The following DCC variants were observed in gnomAD, a reference collection of about 807,000 sequenced individuals.
DCC encodes netrin receptor DCC.
A neutral mutation model predicts 172.5 loss-of-function variants in DCC; 58 were observed. That is an observed-to-expected ratio of 0.34 (90% CI 0.27 to 0.42). The LOEUF is 0.42. Among genes scored for constraint, DCC ranks in the 10% least tolerant of loss-of-function variants. The probability of loss-of-function intolerance (pLI) is 1.00; values close to 1 mark genes in which losing one functional copy is unlikely to be tolerated. For synonymous variants in DCC, 709 were observed against 644.5 expected, an observed-to-expected ratio of 1.10 and a Z score of -1.52; for missense variants, 1,740 against 1,791.0, an observed-to-expected ratio of 0.97 and a Z score of 0.51.
At chr18:53,521,663 G>A (rs2046400265) in intron 27 of DCC, among the ~76,000 whole-genome samples, 1 of 152,086 alleles carries the variant, frequency 6.6e-6, no homozygotes, top group African/African-American at 2.4e-5. Flanking sequence ...TTTTATTGTA[G>A]ATACCTATGT....
intron 2 of DCC, among the ~76,000 whole-genome samples, chr18:52,828,905 A>T (rs2038561870): frequency 6.6e-6 from 1 of 152,210 alleles, no homozygotes; most frequent in South Asian, 2.1e-4. Context: ...CTTTTATTCC[A>T]ATTTAATCAT....
chr18:53,487,851 A>G (rs1437081992), intron 26 of DCC, among the ~76,000 whole-genome samples: 3 of 152,140 alleles, frequency 2.0e-5, no homozygotes, highest in Non-Finnish European at 4.4e-5. Context: ...AAACTCGAGG[A>G]AAAATAGTTG....
chr18:53,121,484 A>C (rs1249431471), intron 7 of DCC, among the ~76,000 whole-genome samples: 1 of 151,860 alleles, frequency 6.6e-6, no homozygotes, highest in Admixed American at 6.6e-5. Flanking sequence ...CCTCTATCTC[A>C]GATATATTAC....
In DCC at chr18:52,752,242, A is replaced by G; in HGVS notation, c.280A>G (p.Asn94Asp). The G allele has an allele frequency of 6.2e-7, 1 of 1,614,150 alleles. No homozygotes were observed. The highest frequency in any genetic ancestry group is 1.1e-5 in the South Asian group (1 of 91,080). The change falls in exon 2 of 29, where the codon AAT becomes GAT. Residue 94 changes from asparagine to aspartate, a missense_variant. Physicochemically the swap from Asn to Asp is conservative, Grantham distance 23. Around this residue, in one of 2 missense-constraint regions of DCC, gnomAD observed 1,732 missense variants for 1,767.4 expected, o/e 0.98. Coordinates refer to ENST00000442544, the MANE Select transcript of DCC (RefSeq NM_005215.4). The stretch of plus-strand genomic sequence containing the variant: ...GGATGAAAGGAAGCAGCAACTTTCA[A>G]ATGGGTCTCTGCTGATACAAAACAT... The part of the protein sequence containing the change: ...GMDERKQQLS[N>D]GSLLIQNILH...
chr18:52,753,907 T>A (rs191378433), intron 2 of DCC, among the ~76,000 whole-genome samples: 20 of 152,320 alleles, frequency 1.3e-4, no homozygotes, highest in Non-Finnish European at 2.4e-4. Flanking sequence ...TCTTTTTTTT[T>A]AACTTTTATA....
intron 1 of DCC, among the ~76,000 whole-genome samples, chr18:52,588,064 G>A (rs1318094416): frequency 1.3e-5 from 2 of 152,186 alleles, no homozygotes; most frequent in African/African-American, 4.8e-5. Flanking sequence ...AGGCAGTTCA[G>A]GTTGCATGGT....
intron 7 of DCC, among the ~76,000 whole-genome samples, chr18:53,102,554 G>A (rs2043189108): frequency 6.6e-6 from 1 of 152,026 alleles, no homozygotes; most frequent in African/African-American, 2.4e-5. Context: ...ATTGATGTGG[G>A]TGAGTGAGCA....
chr18:53,365,983 A>C lies in DCC; in HGVS notation c.2360-20060A>C, dbSNP rs138543296. On this transcript the variant is annotated intron_variant, in intron 15 of 28. Coordinates refer to ENST00000442544, the MANE Select transcript of DCC (RefSeq NM_005215.4). Reference sequence around the variant, plus strand: ...TTCTTGCAGGAGATTCACTTACAACAAAAACTTCAAGTAGATTTGGGTTGA... The same window carrying C: ...TTCTTGCAGGAGATTCACTTACAACCAAAACTTCAAGTAGATTTGGGTTGA... Among the ~76,000 whole-genome samples the C allele has an allele frequency of 7.9e-5, 12 of 152,328 alleles. No individual in the cohort carries two copies. In the East Asian group the frequency reaches 2.3e-3, roughly 29 times the overall value.
intron 5 of DCC, among the ~76,000 whole-genome samples, chr18:52,983,766 G>A (rs1018256894): frequency 6.6e-6 from 1 of 152,154 alleles, no homozygotes; most frequent in Admixed American, 6.6e-5. Flanking sequence ...GAATTATAGA[G>A]ATGGGCTGCA....
At chr18:52,986,352 C>A (rs1162170997) in intron 5 of DCC, among the ~76,000 whole-genome samples, 1 of 152,142 alleles carries the variant, frequency 6.6e-6, no homozygotes. Flanking sequence ...CAGTAGTGGG[C>A]AGCGAATGGC....
intron 5 of DCC, among the ~76,000 whole-genome samples, chr18:52,947,290 A>G (rs2040563077): frequency 6.6e-6 from 1 of 152,216 alleles, no homozygotes; most frequent in Admixed American, 6.5e-5. Context: ...GAAGCCTTTT[A>G]GAAAAGTTTG....
At chr18:52,350,462 G>T (rs903273952) in intron 1 of DCC, among the ~76,000 whole-genome samples, 9 of 152,056 alleles carry the variant, frequency 5.9e-5, no homozygotes, top group African/African-American at 2.2e-4. Flanking sequence ...TCATAAGTGG[G>T]AGGTGAACAA....
At chr18:53,455,070 C>A (rs10502978) in intron 23 of DCC, among the ~76,000 whole-genome samples, 73,483 of 152,006 alleles carry the variant, frequency 0.48, 18,788 homozygotes, top group Non-Finnish European at 0.58. Flanking sequence ...AGAAATGTTT[C>A]TACTTATCAA....
chr18:52,992,634 C>T (rs552181034), intron 5 of DCC, among the ~76,000 whole-genome samples: 133 of 147,726 alleles, frequency 9.0e-4, no homozygotes, highest in Middle Eastern at 3.5e-3. Flanking sequence ...GTTGTGCAAA[C>T]TCATAATCAA....
intron 1 of DCC, among the ~76,000 whole-genome samples, chr18:52,533,467 A>G (rs2032206588): frequency 6.6e-6 from 1 of 152,098 alleles, no homozygotes. Flanking sequence ...TTTGTTTTTC[A>G]ATGCTATATA....
chr18:52,759,807 A>C (rs2037130522), intron 2 of DCC, among the ~76,000 whole-genome samples: 1 of 152,230 alleles, frequency 6.6e-6, no homozygotes, highest in Admixed American at 6.5e-5. Flanking sequence ...ACAGATTAAC[A>C]AGAAAAAAGC....
chr18:52,980,478 A>G (rs2041192303), intron 5 of DCC, among the ~76,000 whole-genome samples: 1 of 151,920 alleles, frequency 6.6e-6, no homozygotes. Flanking sequence ...TGTTTTATCT[A>G]TTCATTTGTT....
chr18:52,801,970 T>C (rs1278864764), intron 2 of DCC, among the ~76,000 whole-genome samples: 1 of 152,194 alleles, frequency 6.6e-6, no homozygotes, highest in African/African-American at 2.4e-5. Flanking sequence ...TCAAGGGTTT[T>C]AAGCCAAGTT....
rs142493253 is a variant in DCC at position 52,370,237 on chromosome 18, G to A, written c.91+29359G>A. Among the ~76,000 whole-genome samples, 50 of 152,180 alleles carry A rather than the reference G, an allele frequency of 3.3e-4. No individual in the cohort carries two copies. In the East Asian group the frequency reaches 4.8e-3, roughly 15 times the overall value. ...CAATCCTATTACTGGGTATGTACCC[G>A]AAGGAATATAAATCATTCTATTATA... is the stretch of plus-strand genomic sequence containing the variant. On this transcript the variant is annotated intron_variant, in intron 1 of 28. Transcript: ENST00000442544.
Sources: allele counts gnomAD v4.1 joint callset (sites outside exome capture counted in the v4.1 genomes callset), GRCh38; gene constraint gnomAD v4.1.1; regional missense constraint gnomAD v4.1.1; transcripts MANE v1.5; gene names NCBI Gene and HGNC (gene_info 2026-07-23, HGNC 2026-07-21).